The following AP2B1 variants were observed in gnomAD, a reference collection of about 807,000 sequenced individuals.
AP2B1 encodes the protein AP-2 complex subunit beta.
Under a neutral mutation model 102.0 loss-of-function variants are expected in AP2B1, and 23 were observed. That is an observed-to-expected ratio of 0.23 (90% confidence interval 0.16 to 0.32). The LOEUF (loss-of-function observed/expected upper bound fraction) is 0.32. Ranked by LOEUF, AP2B1 falls within the 10% of genes least tolerant of loss-of-function variation. The pLI, the probability that AP2B1 is intolerant of heterozygous loss-of-function variation, is 1.00. For missense variants in AP2B1, 541 were observed against 1,157.4 expected (o/e 0.47, Z 7.73); for synonymous variants, 381 against 421.2 (o/e 0.90, Z 1.17).
intron 18 of AP2B1, among the ~76,000 whole-genome samples, chr17:35,695,249 T>C (rs1221322838): frequency 6.6e-6 from 1 of 152,098 alleles, no homozygotes; most frequent in Non-Finnish European, 1.5e-5. Context: ...CAATATAGTA[T>C]CACAGGTGGG....
chr17:35,596,722 C>T (rs945363321), intron 2 of AP2B1, among the ~76,000 whole-genome samples: 33 of 152,228 alleles, frequency 2.2e-4, no homozygotes, highest in Admixed American at 2.1e-3. Context: ...GTGTAGAAGC[C>T]CACGGCGGCG....
At chr17:35,596,166 C>G (rs1256394860) in intron 2 of AP2B1, among the ~76,000 whole-genome samples, 3 of 152,150 alleles carry the variant, frequency 2.0e-5, no homozygotes. Flanking sequence ...TCTGTTACAT[C>G]CTGCTTTGAT....
chr17:35,692,148 A>G (rs1038102934), intron 18 of AP2B1, among the ~76,000 whole-genome samples: 1 of 152,228 alleles, frequency 6.6e-6, no homozygotes, highest in African/African-American at 2.4e-5. Flanking sequence ...TCTGATAAGC[A>G]AAGGTGTCTG....
intron 9 of AP2B1, among the ~76,000 whole-genome samples, chr17:35,634,763 C>T (rs1478265282): frequency 6.6e-6 from 1 of 152,046 alleles, no homozygotes. Context: ...AGTTGTAGAC[C>T]CACTCACTGG....
chr17:35,596,319 ACT>A (rs2073271637), intron 2 of AP2B1, among the ~76,000 whole-genome samples: 1 of 151,988 alleles, frequency 6.6e-6, no homozygotes, highest in African/African-American at 2.4e-5. Context: ...ATGAAGAATG[ACT>A]CTTTAAAGGG....
At chr17:35,669,637 G>T (rs1300259246) in intron 14 of AP2B1, among the ~76,000 whole-genome samples, 2 of 152,130 alleles carry the variant, frequency 1.3e-5, no homozygotes, top group Admixed American at 6.5e-5. Context: ...ACAGAACTTT[G>T]TTGTAGTCGT....
At chr17:35,657,971 C>A (rs1233556284) in intron 14 of AP2B1, among the ~76,000 whole-genome samples, 180 bp downstream of exon 14, 1 of 152,122 alleles carries the variant, frequency 6.6e-6, no homozygotes, top group Non-Finnish European at 1.5e-5. Flanking sequence ...TGTTCATCAT[C>A]GGTAATGGGG....
chr17:35,698,268 G>A (rs1433325197), intron 18 of AP2B1, among the ~76,000 whole-genome samples: 4 of 151,984 alleles, frequency 2.6e-5, no homozygotes, highest in African/African-American at 9.7e-5. Flanking sequence ...CCACCCAGCT[G>A]CACTGGATTT....
Position 35,639,707 on chromosome 17 carries a change from G to A in AP2B1, c.1384G>A (p.Ala462Thr), listed in dbSNP as rs1156280579. ...AGAATATGCTGAAAGAATTGACAAT[G>A]CAGATGAGTTACTAGAAAGCTTCCT... ...VGEYAERIDN[A>T]DELLESFLEG... Residue 462 changes from alanine (A) to threonine (T), a missense_variant, in exon 11 of 22, where the codon GCA becomes ACA. Ala to Thr is a moderately conservative substitution (Grantham distance 58). This residue lies in a region of AP2B1 where 106 missense variants were observed against 296.4 expected (regional missense o/e 0.36). Transcript: ENST00000610402. 6.2e-7 allele frequency: 1 copy of A among 1,614,174 alleles called. No individual in the cohort carries two copies. The highest frequency in any genetic ancestry group is 8.5e-7 in the Non-Finnish European group (1 of 1,180,022).
chr17:35,612,697 G>T lies in AP2B1; in HGVS notation c.525+4310G>T, dbSNP rs142019526. 6.4e-3 allele frequency among the ~76,000 whole-genome samples: 974 copies of T among 152,288 alleles called. 9 individuals carry two copies. The highest frequency in any genetic ancestry group is 0.022 in the African/African-American group (927 of 41,552). On this transcript the variant is annotated intron_variant, in intron 5 of 21. Transcript: ENST00000610402. ...AACTCTTCCTAAAATCATGCAGCTA[G>T]TAGTAATGTAGCTAGGATCCCAACC...
At chr17:35,661,477 G>C (rs2075357339) in intron 14 of AP2B1, among the ~76,000 whole-genome samples, 1 of 152,098 alleles carries the variant, frequency 6.6e-6, no homozygotes, top group South Asian at 2.1e-4. Flanking sequence ...ATCCTCTTTG[G>C]CACCTCCTAC....
chr17:35,607,383 GAAC>G (rs1207876528), intron 4 of AP2B1, among the ~76,000 whole-genome samples: 16 of 152,340 alleles, frequency 1.1e-4, no homozygotes, highest in African/African-American at 3.8e-4. Flanking sequence ...TATAGAGTCA[GAAC>G]GTAACAGTTT....
At chr17:35,621,472 C>A in intron 5 of AP2B1, 1 of 433,894 alleles carries the variant, frequency 2.3e-6, no homozygotes, top group Non-Finnish European at 3.1e-6. Flanking sequence ...TTTAGAGAAA[C>A]ATTAGAGTTT....
intron 14 of AP2B1, among the ~76,000 whole-genome samples, chr17:35,658,078 T>G (rs2075273670): frequency 1.3e-5 from 2 of 152,214 alleles, no homozygotes. Flanking sequence ...TAATGTTTAG[T>G]ATCTTTTCCA....
intron 16 of AP2B1, among the ~76,000 whole-genome samples, chr17:35,673,236 A>C (rs1290300057): frequency 6.6e-6 from 1 of 151,940 alleles, no homozygotes; most frequent in African/African-American, 2.4e-5. Context: ...TTTTAGACGG[A>C]GTCTCACTCT....
rs139776718 is a variant in AP2B1, at chr17:35,716,310, C to A, written c.2627-885C>A. Among the ~76,000 whole-genome samples, 974 of 152,322 alleles carry A rather than the reference C, an allele frequency of 6.4e-3. 9 individuals are homozygous for A. Among genetic ancestry groups the A allele is most frequent in the African/African-American group, 0.022 (927 of 41,574 alleles). ...ATCTCTATTCTTAAAGTTTCTCTTT[C>A]TCTGATACAGCAACATCTCATAAAG... On this transcript the variant is annotated intron_variant, in intron 20 of 21. Transcript: ENST00000610402.
rs747670706 is a variant in AP2B1 at position 35,627,430 on chromosome 17, C to T, written c.984C>T (p.Tyr328=). 3 of 1,613,808 alleles carry T rather than the reference C, an allele frequency of 1.9e-6. No individual in the cohort carries two copies. Among genetic ancestry groups the T allele is most frequent in the South Asian group, 1.1e-5 (1 of 91,066 alleles). The part of the protein sequence containing the change: ...KQEIKVFFVK[Y]NDPIYVKLEK... ...AAATCAAAGTCTTCTTTGTGAAGTA[C>T]AATGATCCCATCTATGTTAAACTAG... Residue 328 remains tyrosine (Y), a synonymous_variant, in exon 8 of 22, where the codon TAC becomes TAT. Transcript: ENST00000610402.
At chr17:35,682,574 C>T in intron 17 of AP2B1, 121 bp from the exon 18 acceptor site, 2 of 889,260 alleles carry the variant, frequency 2.2e-6, no homozygotes, top group Non-Finnish European at 3.4e-6. Flanking sequence ...GAACTGCTGA[C>T]CTCAGGTGAT....
intron 18 of AP2B1, among the ~76,000 whole-genome samples, chr17:35,684,750 C>G (rs763477033): frequency 5.9e-5 from 9 of 152,184 alleles, no homozygotes; most frequent in Admixed American, 3.3e-4. Context: ...TCATTGAAAT[C>G]TAACCTCCCA....
Sources: gnomAD v4.1 joint callset for allele counts (sites outside exome capture counted in the v4.1 genomes callset) on GRCh38, gnomAD v4.1.1 for gene constraint, gnomAD v4.1.1 regional missense constraint, MANE v1.5 for transcripts, NCBI Gene and HGNC (gene_info 2026-07-23, HGNC 2026-07-21) for gene names.